Variants in PDE11A observed in about 807,000 individuals in gnomAD.
The protein encoded by PDE11A is dual 3',5'-cyclic-AMP and -GMP phosphodiesterase 11A.
Under a neutral mutation model 100.5 loss-of-function variants are expected in PDE11A, and 100 were observed. That is an observed-to-expected ratio of 1.00 (90% CI 0.85 to 1.18). The LOEUF (loss-of-function observed/expected upper bound fraction) is 1.18. PDE11A is among the 50% of genes most tolerant of loss of function. The pLI, the probability that PDE11A is intolerant of heterozygous loss-of-function variation, is 0.00. For missense variants in PDE11A, 1,141 were observed against 1,152.6 expected, an observed-to-expected ratio of 0.99 and a Z score of 0.15; for synonymous variants, 381 against 420.8, an observed-to-expected ratio of 0.91 and a Z score of 1.16.
At chr2:177,892,899 C>A (rs2084552641) in intron 4 of PDE11A, among the ~76,000 whole-genome samples, 1 of 152,222 alleles carries the variant, frequency 6.6e-6, no homozygotes, top group East Asian at 1.9e-4. Flanking sequence ...GTTGCATTTG[C>A]CTCTCATGCT....
chr2:177,821,035 T>C (rs2083130959), intron 6 of PDE11A, among the ~76,000 whole-genome samples: 1 of 151,942 alleles, frequency 6.6e-6, no homozygotes, highest in Non-Finnish European at 1.5e-5. Context: ...GGTCAATCTA[T>C]TGTTCTAATA....
chr2:177,826,677 A>G (rs2083230726), intron 6 of PDE11A, among the ~76,000 whole-genome samples: 1 of 152,214 alleles, frequency 6.6e-6, no homozygotes, highest in South Asian at 2.1e-4. Context: ...AGTCTGTTGG[A>G]TTCTTAGAAC....
At chr2:177,706,577 CTCTTTCAGCATTCATCGTCAAGGGAAA>C (rs1434347515) in intron 13 of PDE11A, among the ~76,000 whole-genome samples, 1 of 152,180 alleles carries the variant, frequency 6.6e-6, no homozygotes, top group African/African-American at 2.4e-5. Context: ...GCTAAAAAGC[CTCTTTCAGCATTCATCGTCAAGGGAAA>C]TCTTAACGGA....
chr2:177,667,698 C>A (rs1449867939), intron 18 of PDE11A, among the ~76,000 whole-genome samples: 1 of 152,186 alleles, frequency 6.6e-6, no homozygotes, highest in East Asian at 1.9e-4. Context: ...ATATTTCCCA[C>A]CAGTTGACAA....
At chr2:177,795,484 A>G (rs539734023) in intron 9 of PDE11A, among the ~76,000 whole-genome samples, 19 of 152,216 alleles carry the variant, frequency 1.2e-4, no homozygotes, top group African/African-American at 4.1e-4. Context: ...AGAGTTTATC[A>G]ATATATGTGA....
intron 9 of PDE11A, among the ~76,000 whole-genome samples, chr2:177,793,813 T>A (rs1249997688): frequency 6.6e-6 from 1 of 152,026 alleles, no homozygotes; most frequent in Non-Finnish European, 1.5e-5. Context: ...GTCTAGTCAG[T>A]AGAAGGATGG....
chr2:177,934,507 A>G (rs1374270547), intron 2 of PDE11A, among the ~76,000 whole-genome samples: 2 of 152,238 alleles, frequency 1.3e-5, no homozygotes. Flanking sequence ...CAGGCTGTGG[A>G]AAAAGGAGAA....
intron 19 of PDE11A, among the ~76,000 whole-genome samples, chr2:177,653,136 G>A (rs73040805): frequency 0.025 from 3,740 of 152,262 alleles, 138 homozygotes; most frequent in African/African-American, 0.084. Flanking sequence ...TTTCTCTGAG[G>A]CTGTTCTGTT....
chr2:177,785,578 C>A (rs546676628), intron 9 of PDE11A, among the ~76,000 whole-genome samples: 2 of 152,154 alleles, frequency 1.3e-5, no homozygotes, highest in Admixed American at 6.5e-5. Context: ...CGAAGTAGGG[C>A]GAGGCATTGC....
In PDE11A at chr2:177,860,261, A is replaced by T. The variant is rs569307858; in HGVS notation, c.1367+15598T>A. Among the ~76,000 whole-genome samples the T allele has an allele frequency of 2.6e-5, 4 of 151,866 alleles. No homozygotes were observed. In the East Asian group the frequency reaches 7.7e-4, roughly 29 times the overall value. ...AGAAGTCTCAAATCACTAAGATAAGAAACGAAAGAGGGGCTTTAACTACTA... is the reference window on the plus strand; with the variant it reads ...AGAAGTCTCAAATCACTAAGATAAGTAACGAAAGAGGGGCTTTAACTACTA... On this transcript the variant is annotated intron_variant, in intron 5 of 19. Transcript: ENST00000286063.
At chr2:178,051,654 G>A (rs1435661169) in intron 1 of PDE11A, among the ~76,000 whole-genome samples, 1 of 152,174 alleles carries the variant, frequency 6.6e-6, no homozygotes, top group Non-Finnish European at 1.5e-5. Flanking sequence ...ATAAAGGGAT[G>A]CAGGAAGATC....
chr2:177,673,739 T>G (rs2080723186), intron 17 of PDE11A, among the ~76,000 whole-genome samples: 1 of 152,142 alleles, frequency 6.6e-6, no homozygotes, highest in Admixed American at 6.5e-5. Flanking sequence ...ATGAGAAGGG[T>G]AAACTCTGGT....
At position 177,697,447 on chromosome 2, in the gene PDE11A, TA is replaced by T; in HGVS notation, c.2245-16del. 2 of 1,245,612 alleles carry T rather than the reference TA, an allele frequency of 1.6e-6. No homozygotes were observed. The highest frequency in any genetic ancestry group is 2.4e-6 in the Non-Finnish European group (2 of 843,770). The allele number at this position is 1,245,612 out of a possible 1,614,324, so 77.2% of individuals were successfully genotyped here. A position where few individuals can be genotyped will look rare whatever the true frequency, so the allele number is the denominator to read the frequency against. ...ATATTGTGACCCTGTAATGAGAAAGTAAAAAGTCACAAAAGACATTAAATCT... is the reference window on the plus strand; with the variant it reads ...ATATTGTGACCCTGTAATGAGAAAGTAAAAGTCACAAAAGACATTAAATCT... On this transcript the variant is annotated splice_polypyrimidine_tract_variant and intron_variant, in intron 14 of 19. Coordinates refer to ENST00000286063, the MANE Select transcript of PDE11A (RefSeq NM_016953.4).
chr2:178,058,859 A>G (rs1255442890), intron 1 of PDE11A, among the ~76,000 whole-genome samples: 3 of 152,104 alleles, frequency 2.0e-5, no homozygotes, highest in Admixed American at 1.3e-4. Context: ...AAGTTAGTGG[A>G]AAAAAGAATG....
Position 177,629,370 on chromosome 2 carries a change from G to A in PDE11A, c.*37C>T, listed in dbSNP as rs1032973108. ...TGCTGGACTGAAAATGGCCCTTCAG[G>A]CTGTAGTCATTTTGCAGCTGCAGCT... is the stretch of plus-strand genomic sequence containing the variant. On this transcript the variant is annotated 3_prime_UTR_variant, in exon 20 of 20. Coordinates refer to ENST00000286063, the MANE Select transcript of PDE11A (RefSeq NM_016953.4). 6.3e-7 allele frequency: 1 copy of A among 1,595,582 alleles called. No individual in the cohort carries two copies. Among genetic ancestry groups the A allele is most frequent in the Non-Finnish European group, 8.6e-7 (1 of 1,164,206 alleles).
intron 2 of PDE11A, among the ~76,000 whole-genome samples, chr2:177,971,765 G>T (rs1215680728): frequency 1.3e-5 from 2 of 151,976 alleles, no homozygotes; most frequent in Non-Finnish European, 2.9e-5. Flanking sequence ...TAGCAGAAAA[G>T]GGACAATAAT....
intron 19 of PDE11A, among the ~76,000 whole-genome samples, chr2:177,640,013 G>T (rs1251017500): frequency 6.6e-6 from 1 of 151,774 alleles, no homozygotes; most frequent in Admixed American, 6.6e-5. Flanking sequence ...CATTTATTAA[G>T]AAAAAAAAGG....
chr2:177,687,484 A>G (rs2080970007), intron 15 of PDE11A: 1 of 152,158 alleles, frequency 6.6e-6, no homozygotes. Context: ...AGAGTTACCC[A>G]TGTTGTTATA....
At chr2:177,876,687 A>T (rs2084246869) in intron 4 of PDE11A, among the ~76,000 whole-genome samples, 1 of 148,176 alleles carries the variant, frequency 6.7e-6, no homozygotes, top group Admixed American at 6.6e-5. Context: ...CTAACCCCTA[A>T]TTTTTAAAAA....
Sources: gnomAD v4.1 joint callset for allele counts (sites outside exome capture counted in the v4.1 genomes callset) on GRCh38, gnomAD v4.1.1 for gene constraint, MANE v1.5 for transcripts, NCBI Gene and HGNC (gene_info 2026-07-23, HGNC 2026-07-21) for gene names.